The following MRPL45 variants were observed in gnomAD, a reference collection of about 807,000 sequenced individuals.
The protein encoded by MRPL45 is mitochondrial ribosomal protein L45, also known as large ribosomal subunit protein mL45.
In MRPL45, 20 loss-of-function variants were observed where a neutral mutation model predicts 38.1. That is an observed-to-expected ratio of 0.53 (90% CI 0.37 to 0.76). The LOEUF (loss-of-function observed/expected upper bound fraction) is 0.76. MRPL45 is among the 30% of genes least tolerant of loss of function. MRPL45 has a pLI of 0.00. For missense variants in MRPL45, 337 were observed against 395.6 expected, an observed-to-expected ratio of 0.85 and a Z score of 1.26; for synonymous variants, 105 against 128.8, an observed-to-expected ratio of 0.82 and a Z score of 1.25.
chr17:38,315,450 T>C (rs1446658253), intron 4 of MRPL45, among the ~76,000 whole-genome samples: 1 of 151,620 alleles, frequency 6.6e-6, no homozygotes, highest in Non-Finnish European at 1.5e-5. Flanking sequence ...AATTTTTTTG[T>C]AGAGACAGGG....
chr17:38,301,692 T>A (rs1206753134), intron 3 of MRPL45, among the ~76,000 whole-genome samples: 1 of 152,214 alleles, frequency 6.6e-6, no homozygotes, highest in African/African-American at 2.4e-5. Context: ...GGGTCCATGG[T>A]GATGATGAAC....
intron 1 of MRPL45, among the ~76,000 whole-genome samples, chr17:38,297,789 T>C (rs1248263633): frequency 6.6e-6 from 1 of 152,200 alleles, no homozygotes; most frequent in African/African-American, 2.4e-5. Flanking sequence ...AAGAGGACTT[T>C]GCTTATGCTT....
At chr17:38,311,622 G>A (rs541131557) in intron 4 of MRPL45, among the ~76,000 whole-genome samples, 1 of 151,390 alleles carries the variant, frequency 6.6e-6, no homozygotes, top group South Asian at 2.1e-4. Flanking sequence ...GGAGGTGGAG[G>A]TTGCAGTGAG....
In MRPL45 at chr17:38,300,729, C is replaced by CTGA. The variant is rs1245844161; in HGVS notation, c.362+1262_362+1264dup. Among the ~76,000 whole-genome samples the CTGA allele has an allele frequency of 5.3e-5, 8 of 152,100 alleles. No homozygotes were observed. The East Asian group carries it at 9.7e-4, about 19-fold the overall frequency. On this transcript the variant is annotated intron_variant, in intron 3 of 7. Transcript: ENST00000613675. The stretch of plus-strand genomic sequence containing the variant: ...TGGGAGGCTGAGGTGGGCGGATCAC[C>CTGA]TGAGGTCAGGAATCGAAAACCAGCC...
intron 1 of MRPL45, among the ~76,000 whole-genome samples, chr17:38,297,990 G>C (rs547915839): frequency 6.6e-6 from 1 of 152,208 alleles, no homozygotes; most frequent in Non-Finnish European, 1.5e-5. Context: ...CCAGCTACTT[G>C]GGAGGCTGCG....
At chr17:38,308,662 A>G (rs2037077769) in intron 4 of MRPL45, among the ~76,000 whole-genome samples, 1 of 150,684 alleles carries the variant, frequency 6.6e-6, no homozygotes, top group Non-Finnish European at 1.5e-5. Context: ...CTGGTCTTGA[A>G]CTCCTGACCT....
At chr17:38,322,099 A>G (rs2037235275) in intron 6 of MRPL45, 27 bp from the exon 7 acceptor site, 1 of 1,601,184 alleles carries the variant, frequency 6.2e-7, no homozygotes, top group Non-Finnish European at 8.5e-7. Context: ...AAAAACTAAG[A>G]GGCCAGATTT....
intron 4 of MRPL45, among the ~76,000 whole-genome samples, chr17:38,314,211 TCTC>T (rs1187218058): frequency 1.3e-5 from 2 of 152,074 alleles, no homozygotes; most frequent in African/African-American, 2.4e-5. Flanking sequence ...TTCAAGCAAT[TCTC>T]CTGCCTCAGC....
At chr17:38,322,451 C>A in intron 7 of MRPL45, 58 bp from the exon 8 acceptor site, 2 of 1,428,376 alleles carry the variant, frequency 1.4e-6, no homozygotes, top group South Asian at 1.2e-5. Context: ...AGGGATGAAG[C>A]TCTTCTGGGT....
At chr17:38,299,782 A>G (rs553250752) in intron 3 of MRPL45, among the ~76,000 whole-genome samples, 28 of 151,474 alleles carry the variant, frequency 1.8e-4, no homozygotes, top group African/African-American at 6.8e-4. Flanking sequence ...TGTTGCCCAG[A>G]CTAGAATGCA....
intron 4 of MRPL45, among the ~76,000 whole-genome samples, chr17:38,313,402 A>G (rs1169615537): frequency 9.5e-6 from 1 of 105,534 alleles, no homozygotes; most frequent in Non-Finnish European, 1.8e-5. Context: ...ATATATATAT[A>G]TGAGAGATGG....
intron 5 of MRPL45, among the ~76,000 whole-genome samples, chr17:38,318,987 C>T (rs1205231133): frequency 1.4e-5 from 2 of 148,012 alleles, no homozygotes; most frequent in Non-Finnish European, 3.0e-5. Flanking sequence ...GCCACCATGC[C>T]CAGCTAATTT....
rs796617790 is a variant in MRPL45, at chr17:38,301,999, C to G, written c.362+2531C>G. On this transcript the variant is annotated intron_variant, in intron 3 of 7. Transcript: ENST00000613675. The stretch of plus-strand genomic sequence containing the variant: ...AGGTGCGGTGGTGGGCGCCTGTAGT[C>G]CCAGCTACTCAGGAGGCTGAGGCCG... Among the ~76,000 whole-genome samples, 5 of 151,760 alleles carry G rather than the reference C, an allele frequency of 3.3e-5. No homozygotes were observed. In the South Asian group the frequency reaches 1.0e-3, roughly 32 times the overall value.
intron 4 of MRPL45, among the ~76,000 whole-genome samples, chr17:38,311,411 G>C (rs2144222005): frequency 6.6e-6 from 1 of 152,282 alleles, no homozygotes; most frequent in Admixed American, 6.5e-5. Flanking sequence ...CGGGGATCCA[G>C]GTGTGGTGGT....
chr17:38,317,795 G>A (rs1194918705), intron 4 of MRPL45, among the ~76,000 whole-genome samples: 2 of 151,398 alleles, frequency 1.3e-5, no homozygotes, highest in Non-Finnish European at 2.9e-5. Flanking sequence ...TGACGGTCTC[G>A]ATCTCCTGAC....
chr17:38,302,506 G>GT lies in MRPL45; in HGVS notation c.362+3041dup, dbSNP rs1187786944. Among the ~76,000 whole-genome samples the GT allele has an allele frequency of 3.3e-3, 127 of 39,070 alleles. 8 individuals carry two copies. The highest frequency in any genetic ancestry group is 5.6e-3 in the East Asian group (3 of 538). 25.6% of individuals were successfully genotyped at this position (39,070 alleles called of 152,430 possible). On this transcript the variant is annotated intron_variant, in intron 3 of 7. Transcript: ENST00000613675. ...CATCTCAAAAAAAAAAAAAAAAAAA[G>GT]TTTGTTTTTTTTTTTTTTTTTTAGA...
chr17:38,313,307 A>AT (rs1262395858), intron 4 of MRPL45, among the ~76,000 whole-genome samples: 3 of 18,986 alleles, frequency 1.6e-4, no homozygotes, highest in South Asian at 2.2e-3. Flanking sequence ...TAAAAAAAAA[A>AT]AAAAATATAT....
At chr17:38,313,345 T>TATAC (rs2037141166) in intron 4 of MRPL45, among the ~76,000 whole-genome samples, 1 of 19,448 alleles carries the variant, frequency 5.1e-5, no homozygotes, top group African/African-American at 2.2e-4. Flanking sequence ...TATATATATA[T>TATAC]ACGTATATAT....
chr17:38,306,692 C>A (rs896215932), intron 4 of MRPL45, 61 bp downstream of exon 4: 135 of 1,598,010 alleles, frequency 8.4e-5, no homozygotes, highest in Admixed American at 1.6e-4. Context: ...ATTTTAGGCA[C>A]AGTTTTTTTG....
Sources: gnomAD v4.1 joint callset for allele counts (sites outside exome capture counted in the v4.1 genomes callset) on GRCh38, gnomAD v4.1.1 for gene constraint, MANE v1.5 for transcripts, NCBI Gene and HGNC (gene_info 2026-07-23, HGNC 2026-07-21) for gene names.